UBR4: variants seen among roughly 807,000 people sequenced by gnomAD.
UBR4 encodes the protein ubiquitin protein ligase E3 component n-recognin 4.
UBR4 carries 124 observed loss-of-function variants against 575.6 expected under a neutral mutation model. That is an observed-to-expected ratio of 0.22 (90% CI 0.19 to 0.25). The LOEUF is 0.25. UBR4 is among the 10% of genes least tolerant of loss of function. The probability of loss-of-function intolerance (pLI) is 1.00; values close to 1 mark genes in which losing one functional copy is unlikely to be tolerated. For missense variants in UBR4, 4,818 were observed against 6,478.8 expected (o/e 0.74, Z 8.80); for synonymous variants, 2,455 against 2,473.7 (o/e 0.99, Z 0.22).
In UBR4 at chr1:19,138,138, C is replaced by G. The variant is rs751130764; in HGVS notation, c.8775G>C (p.Gly2925=). The G allele has an allele frequency of 6.3e-7, 1 of 1,592,512 alleles. No homozygotes were observed. The highest frequency in any genetic ancestry group is 1.7e-5 in the Admixed American group (1 of 58,062). The part of the protein sequence containing the change: ...SSAYGDATAE[G]HPAGPGSVSS... ...TGACACTTCCTGGTCCAGCCGGATGCCCCTCAGCTGTAGCATCGCCATAAG... is the reference window on the plus strand; with the variant it reads ...TGACACTTCCTGGTCCAGCCGGATGGCCCTCAGCTGTAGCATCGCCATAAG... Residue 2925 remains glycine, a synonymous_variant, in exon 60 of 106, where the codon GGG becomes GGC. Transcript: ENST00000375254.
chr1:19,134,130 G>T (rs1394672772), intron 60 of UBR4, among the ~76,000 whole-genome samples: 1 of 149,158 alleles, frequency 6.7e-6, no homozygotes, highest in Admixed American at 6.7e-5. Context: ...AAACAGCTGG[G>T]CATGGTGGCA....
At chr1:19,125,313 TG>T (rs2081602210) in intron 64 of UBR4, among the ~76,000 whole-genome samples, 1 of 152,230 alleles carries the variant, frequency 6.6e-6, no homozygotes. Context: ...TCATCAGTTC[TG>T]TATCAAGCAC....
At position 19,186,649 on chromosome 1, in the gene UBR4, G is replaced by C. The variant is rs756786456; in HGVS notation, c.1641C>G (p.Val547=). ...TGGAGCCCTTCCTCTGCCGCTGCAGGACACATGCCTAGGAAAATGACAATT... is the reference window on the plus strand; with the variant it reads ...TGGAGCCCTTCCTCTGCCGCTGCAGCACACATGCCTAGGAAAATGACAATT... ...LLSTSYRKAC[V]LQRQRKGSMS... The change falls in exon 14 of 106, where the codon GTC becomes GTG. Residue 547 remains valine (V), a synonymous_variant. Transcript: ENST00000375254. The C allele has an allele frequency of 6.2e-7, 1 of 1,613,970 alleles. No homozygotes were observed. Among genetic ancestry groups the C allele is most frequent in the South Asian group, 1.1e-5 (1 of 91,076 alleles).
At chr1:19,134,086 T>TAAAAAAAAAAA (rs71030132) in intron 60 of UBR4, among the ~76,000 whole-genome samples, 4 of 52,510 alleles carry the variant, frequency 7.6e-5, no homozygotes, top group African/African-American at 2.6e-4. Flanking sequence ...ACTCTGTCTC[T>TAAAAAAAAAAA]AAAAAAAAAA....
chr1:19,102,360 G>C (rs2078724862), intron 87 of UBR4, among the ~76,000 whole-genome samples: 1 of 150,718 alleles, frequency 6.6e-6, no homozygotes, highest in African/African-American at 2.4e-5. Context: ...GTGAAACTTC[G>C]GGAAAAAAAA....
At chr1:19,168,902 C>A (rs142490518) in intron 27 of UBR4, among the ~76,000 whole-genome samples, 1 of 149,322 alleles carries the variant, frequency 6.7e-6, no homozygotes, top group Non-Finnish European at 1.5e-5. Context: ...GGTGTGAACC[C>A]GGGAGGCGGA....
chr1:19,153,690 G>T lies in UBR4; in HGVS notation c.6630+78C>A. The stretch of plus-strand genomic sequence containing the variant: ...TATGGGCCTCCATTGAAAGAGCTGG[G>T]AAAGTGAAATGAATATACAAACATA... On this transcript the variant is annotated intron_variant, in intron 45 of 105. Coordinates refer to ENST00000375254, the MANE Select transcript of UBR4 (RefSeq NM_020765.3). This position sits in a 1 kb window ranked among gnomAD's most constrained non-coding sequence, Gnocchi z 4.1. The T allele has an allele frequency of 1.3e-6, 2 of 1,538,388 alleles. No homozygotes were observed. Among genetic ancestry groups the T allele is most frequent in the South Asian group, 2.5e-5 (2 of 78,502 alleles).
Position 19,157,740 on chromosome 1 carries a change from TG to T in UBR4, c.5760+74del. 6.5e-7 allele frequency: 1 copy of T among 1,548,002 alleles called. No homozygotes were observed. Among genetic ancestry groups the T allele is most frequent in the Non-Finnish European group, 8.8e-7 (1 of 1,139,074 alleles). ...TTCCCACAGAGGGCTAATCCGAATG[TG>T]GTCATCAATTTGTTTTGCTTAGCAT... is the stretch of plus-strand genomic sequence containing the variant. On this transcript the variant is annotated intron_variant, in intron 40 of 105. Transcript: ENST00000375254. The surrounding 1 kb of genome is among the most constrained non-coding windows in gnomAD (Gnocchi z 4.4).
intron 2 of UBR4, among the ~76,000 whole-genome samples, chr1:19,200,268 TA>T (rs944168674): frequency 4.8e-4 from 65 of 135,044 alleles, no homozygotes; most frequent in East Asian, 5.3e-4. Context: ...TGATGAGCTT[TA>T]AAAAAAAAAA....
intron 88 of UBR4, 57 bp downstream of exon 88, chr1:19,101,463 A>G (rs1406305807): frequency 5.2e-6 from 8 of 1,552,042 alleles, no homozygotes; most frequent in Admixed American, 1.7e-5. Flanking sequence ...AAGAGGCTTC[A>G]TGGCAAAGTG....
At chr1:19,123,165 G>A in intron 65 of UBR4, 105 bp from the exon 66 acceptor site, 1 of 1,256,740 alleles carries the variant, frequency 8.0e-7, no homozygotes, top group Non-Finnish European at 1.1e-6. Flanking sequence ...TAAAAGCTGG[G>A]GACAGGCCGG....
chr1:19,141,178 CCCA>C (rs1438603426), intron 57 of UBR4, among the ~76,000 whole-genome samples, 166 bp downstream of exon 57: 7 of 152,240 alleles, frequency 4.6e-5, no homozygotes, highest in African/African-American at 1.4e-4. Context: ...GACTGAAATT[CCCA>C]CCACATCCCT....
At position 19,153,617 on chromosome 1, in the gene UBR4, A is replaced by C. The variant is rs2086038019; in HGVS notation, c.6631-115T>G. 1.4e-6 allele frequency: 2 copies of C among 1,464,784 alleles called. No homozygotes were observed. The highest frequency in any genetic ancestry group is 1.9e-6 in the Non-Finnish European group (2 of 1,074,826). The allele number at this position is 1,464,784 out of a possible 1,614,324, so 90.7% of individuals were successfully genotyped here. ...ATGGTCAGTTGAGGGGCTGTACAGAAGGGTGGCAAAGAAAAGGCATCTAGA... is the reference window on the plus strand; with the variant it reads ...ATGGTCAGTTGAGGGGCTGTACAGACGGGTGGCAAAGAAAAGGCATCTAGA... On this transcript the variant is annotated intron_variant, in intron 45 of 105. Coordinates refer to ENST00000375254, the MANE Select transcript of UBR4 (RefSeq NM_020765.3). The surrounding 1 kb of genome is among the most constrained non-coding windows in gnomAD (Gnocchi z 4.1).
chr1:19,125,448 G>A (rs1398701394), intron 64 of UBR4, among the ~76,000 whole-genome samples: 1 of 152,222 alleles, frequency 6.6e-6, no homozygotes, highest in Non-Finnish European at 1.5e-5. Flanking sequence ...CTTGATGGCA[G>A]GGAGTATATG....
Position 19,093,839 on chromosome 1 carries a change from A to G in UBR4, c.13937+110T>C, listed in dbSNP as rs2077764972. 4.7e-6 allele frequency: 6 copies of G among 1,277,574 alleles called. No homozygotes were observed. The highest frequency in any genetic ancestry group is 6.4e-6 in the Non-Finnish European group (6 of 933,950). 79.1% of individuals were successfully genotyped at this position (1,277,574 alleles called of 1,614,324 possible). ...ACTGAGCTCCTTAAAAGCCAGAACG[A>G]GGACACAAAAATCTAATAGGTATTC... is the stretch of plus-strand genomic sequence containing the variant. On this transcript the variant is annotated intron_variant, in intron 95 of 105. Transcript: ENST00000375254. This position sits in a 1 kb window ranked among gnomAD's most constrained non-coding sequence, Gnocchi z 4.8.
chr1:19,118,212 A>C (rs2080766290), intron 71 of UBR4: 1 of 298,376 alleles, frequency 3.4e-6, no homozygotes, highest in African/African-American at 2.2e-5. Context: ...AAATCATTGA[A>C]CTGTACATTT....
chr1:19,127,813 C>G, intron 62 of UBR4, 74 bp from the exon 63 acceptor site: 1 of 1,234,588 alleles, frequency 8.1e-7, no homozygotes, highest in Middle Eastern at 2.0e-4. Flanking sequence ...AAGATCCCTT[C>G]AAGTCAAGCC....
At chr1:19,163,707 C>G in intron 34 of UBR4, 57 bp downstream of exon 34, 2 of 1,551,940 alleles carry the variant, frequency 1.3e-6, no homozygotes, top group Non-Finnish European at 1.8e-6. Context: ...CACCTGACCA[C>G]AGAGGTGAGA....
In UBR4 at chr1:19,122,801, C is replaced by A. The variant is rs893907821; in HGVS notation, c.9816+32G>T. ...TTGGCTAAGCCTTATCACATCCCCC[C>A]TCCCTGCCCTACCAGGTCCCAGCCC... On this transcript the variant is annotated intron_variant, in intron 66 of 105. Coordinates refer to ENST00000375254, the MANE Select transcript of UBR4 (RefSeq NM_020765.3). 5 of 1,613,048 alleles carry A rather than the reference C, an allele frequency of 3.1e-6. No individual in the cohort carries two copies. In the African/African-American group the frequency reaches 4.0e-5, roughly 13 times the overall value.
Sources: allele counts gnomAD v4.1 joint callset (sites outside exome capture counted in the v4.1 genomes callset), GRCh38; gene constraint gnomAD v4.1.1; non-coding constraint Gnocchi (gnomAD v3.1); transcripts MANE v1.5; gene names NCBI Gene and HGNC (gene_info 2026-07-23, HGNC 2026-07-21).